The following AGBL1 variants were observed in gnomAD, a reference collection of about 807,000 sequenced individuals.
The protein encoded by AGBL1 is cytosolic carboxypeptidase 4.
A neutral mutation model predicts 118.9 loss-of-function variants in AGBL1; 130 were observed. That is an observed-to-expected ratio of 1.09 (90% CI 0.95 to 1.26). The LOEUF (loss-of-function observed/expected upper bound fraction) is 1.26. Among genes scored for constraint, AGBL1 ranks in the 50% most tolerant of loss-of-function variants. AGBL1 has a pLI of 0.00. For synonymous variants in AGBL1, 555 were observed against 478.9 expected (o/e 1.16, Z -2.08); for missense variants, 1,584 against 1,298.1 (o/e 1.22, Z -3.38).
intron 21 of AGBL1, among the ~76,000 whole-genome samples, chr15:86,593,296 A>ATTT (rs35818219): frequency 2.0e-3 from 291 of 145,840 alleles, no homozygotes; most frequent in African/African-American, 6.8e-3. Context: ...GGAACCTTAG[A>ATTT]TTTTTTTTTT....
At chr15:86,852,206 C>T (rs2079417334) in intron 22 of AGBL1, among the ~76,000 whole-genome samples, 1 of 152,102 alleles carries the variant, frequency 6.6e-6, no homozygotes, top group Non-Finnish European at 1.5e-5. Flanking sequence ...GCACCTTCTT[C>T]ACAAGGGGCA....
intron 22 of AGBL1, among the ~76,000 whole-genome samples, chr15:86,688,709 C>CGGG (rs1159897753): frequency 3.9e-5 from 6 of 152,036 alleles, no homozygotes; most frequent in Non-Finnish European, 8.8e-5. Context: ...TTTAACGAGG[C>CGGG]GGGCACAATT....
intron 21 of AGBL1, among the ~76,000 whole-genome samples, chr15:86,593,291 C>T (rs1351652959): frequency 1.8e-5 from 2 of 113,234 alleles, no homozygotes; most frequent in Admixed American, 1.9e-4. Context: ...CCCAAGGAAC[C>T]TTAGATTTTT....
chr15:86,226,931 G>A (rs548196288), intron 6 of AGBL1, among the ~76,000 whole-genome samples: 1 of 152,212 alleles, frequency 6.6e-6, no homozygotes, highest in South Asian at 2.1e-4. Context: ...TTTTGAGGGA[G>A]AGAGTCATCT....
intron 23 of AGBL1, among the ~76,000 whole-genome samples, chr15:86,943,726 A>G (rs188248206): frequency 3.3e-5 from 5 of 152,260 alleles, no homozygotes; most frequent in African/African-American, 1.2e-4. Flanking sequence ...TCCCTTTTCT[A>G]TTGGCACAGC....
At chr15:86,817,622 G>A in intron 22 of AGBL1, among the ~76,000 whole-genome samples, 1 of 140,508 alleles carries the variant, frequency 7.1e-6, no homozygotes, top group African/African-American at 2.7e-5. Context: ...AAAAGAGACA[G>A]GCATACACAC....
At chr15:86,918,645 T>C (rs1264607495), downstream of AGBL1, among the ~76,000 whole-genome samples, 1 of 152,184 alleles carries the variant, frequency 6.6e-6, no homozygotes, top group Non-Finnish European at 1.5e-5. Context: ...TAAATTTTGC[T>C]CAGCTTCCTT....
At chr15:86,724,906 T>C (rs1254105916) in intron 22 of AGBL1, among the ~76,000 whole-genome samples, 5 of 152,172 alleles carry the variant, frequency 3.3e-5, no homozygotes, top group Non-Finnish European at 7.3e-5. Flanking sequence ...TCACCAGAAG[T>C]AGATACTGAC....
chr15:86,627,961 G>T (rs1287279076), intron 21 of AGBL1, among the ~76,000 whole-genome samples: 1 of 152,222 alleles, frequency 6.6e-6, no homozygotes, highest in African/African-American at 2.4e-5. Context: ...TTTCCTGAAT[G>T]GAGAAAGGAA....
At chr15:86,758,973 A>G (rs2077982891) in intron 22 of AGBL1, among the ~76,000 whole-genome samples, 1 of 150,626 alleles carries the variant, frequency 6.6e-6, no homozygotes, top group East Asian at 1.9e-4. Context: ...TGTCAAAAAA[A>G]AAAAAAAAAA....
intron 5 of AGBL1, among the ~76,000 whole-genome samples, chr15:86,206,774 G>A (rs920918530): frequency 6.6e-6 from 1 of 152,184 alleles, no homozygotes; most frequent in Admixed American, 6.5e-5. Context: ...TGTTCACTCT[G>A]ATGGTAGTTT....
At chr15:86,187,380 C>G (rs1161532280) in intron 5 of AGBL1, among the ~76,000 whole-genome samples, 7 of 152,328 alleles carry the variant, frequency 4.6e-5, no homozygotes, top group Admixed American at 1.3e-4. Flanking sequence ...CTTGAAACTT[C>G]TCTGCCTCAT....
Position 86,369,809 on chromosome 15 carries a change from A to G in AGBL1, c.2375-27557A>G, listed in dbSNP as rs149646899. 5.2e-4 allele frequency among the ~76,000 whole-genome samples: 79 copies of G among 152,280 alleles called. 1 individual carries two copies. Among genetic ancestry groups the G allele is most frequent in the African/African-American group, 1.9e-3 (78 of 41,570 alleles). On this transcript the variant is annotated intron_variant, in intron 17 of 22. Transcript: ENST00000614907. ...ATAACAAGGGCTACTGTATAATAAA[A>G]AATACAATCATGTGATCTATCAAGC...
intron 22 of AGBL1, among the ~76,000 whole-genome samples, chr15:86,867,716 A>T (rs1435977493): frequency 2.6e-5 from 4 of 152,162 alleles, no homozygotes; most frequent in Non-Finnish European, 5.9e-5. Context: ...CTGTGCAAAA[A>T]TAAATAGACA....
chr15:86,554,321 C>G, intron 20 of AGBL1, 40 bp from the exon 21 acceptor site: 1 of 1,479,264 alleles, frequency 6.8e-7, no homozygotes, highest in Non-Finnish European at 9.1e-7. Context: ...TCCCTAGTCA[C>G]CCACAACTAA....
intron 24 of AGBL1, chr15:86,988,214 C>T (rs1315236431): frequency 8.5e-7 from 1 of 1,171,346 alleles, no homozygotes; most frequent in Non-Finnish European, 1.2e-6. Context: ...AACAAAAAAA[C>T]AACATACCCT....
rs987418245 is a variant in AGBL1 at position 86,761,184 on chromosome 15, A to G, written c.3158+86748A>G. 2.6e-5 allele frequency among the ~76,000 whole-genome samples: 4 copies of G among 152,086 alleles called. No homozygotes were observed. The East Asian group carries it at 7.7e-4, about 29-fold the overall frequency. On this transcript the variant is annotated intron_variant, in intron 22 of 22. Transcript: ENST00000614907. Reference sequence around the variant, plus strand: ...GATCTTAGACACTCTTAGCTTTCATATACTGTTTTCCAGGCAAGACTAGAA... The same window carrying G: ...GATCTTAGACACTCTTAGCTTTCATGTACTGTTTTCCAGGCAAGACTAGAA...
intron 17 of AGBL1, among the ~76,000 whole-genome samples, chr15:86,310,352 A>AT (rs946362487): frequency 4.0e-5 from 6 of 150,906 alleles, no homozygotes; most frequent in African/African-American, 9.8e-5. Context: ...AATTTTGTTT[A>AT]TTTTTTTGAA....
intron 23 of AGBL1, chr15:86,939,597 T>A (rs890742009): frequency 1.3e-5 from 2 of 152,164 alleles, no homozygotes; most frequent in African/African-American, 4.8e-5. Context: ...CAAATATACA[T>A]CTATCCTGTT....
Sources: gnomAD v4.1 joint callset for allele counts (sites outside exome capture counted in the v4.1 genomes callset) on GRCh38, gnomAD v4.1.1 for gene constraint, MANE v1.5 for transcripts, NCBI Gene and HGNC (gene_info 2026-07-23, HGNC 2026-07-21) for gene names.